The following DCC variants were observed in gnomAD, a reference collection of about 807,000 sequenced individuals.
The protein encoded by DCC is DCC netrin 1 receptor.
In DCC, 58 loss-of-function variants were observed where a neutral mutation model predicts 172.5. The ratio of observed to expected loss-of-function variants is 0.34; its 90% CI spans 0.27 to 0.42. The LOEUF (loss-of-function observed/expected upper bound fraction) is 0.42. Ranked by LOEUF, DCC falls within the 10% of genes least tolerant of loss-of-function variation. The pLI is 1.00. For synonymous variants in DCC, 709 were observed against 644.5 expected (o/e 1.10, Z -1.52); for missense variants, 1,740 against 1,791.0 (o/e 0.97, Z 0.51).
At chr18:52,497,675 A>T (rs992477670) in intron 1 of DCC, among the ~76,000 whole-genome samples, 18 of 152,100 alleles carry the variant, frequency 1.2e-4, no homozygotes, top group African/African-American at 1.7e-4. Context: ...CAAGATCATT[A>T]AGGCAGATAT....
intron 1 of DCC, among the ~76,000 whole-genome samples, chr18:52,431,889 A>G (rs931744146): frequency 2.0e-5 from 3 of 152,118 alleles, no homozygotes; most frequent in Non-Finnish European, 2.9e-5. Flanking sequence ...CCCTCCATCC[A>G]TCTCGCCTGA....
intron 13 of DCC, among the ~76,000 whole-genome samples, chr18:53,312,788 G>A (rs1393189226): frequency 1.8e-5 from 2 of 111,074 alleles, no homozygotes; most frequent in South Asian, 3.4e-4. Flanking sequence ...CAGCCTGGGC[G>A]ACAGAGCAAG....
At position 53,058,640 on chromosome 18, in the gene DCC, G is replaced by A. The variant is rs575958707; in HGVS notation, c.986-4665G>A. On this transcript the variant is annotated intron_variant, in intron 5 of 28. Transcript: ENST00000442544. Reference sequence around the variant, plus strand: ...ACAGAGATCAAAAAAGGGAAAATTGGGTAAACTTTATTTGTCTGCTGCCTT... The same window carrying A: ...ACAGAGATCAAAAAAGGGAAAATTGAGTAAACTTTATTTGTCTGCTGCCTT... 2.8e-4 allele frequency among the ~76,000 whole-genome samples: 42 copies of A among 152,126 alleles called. 1 individual carries two copies. In the South Asian group the frequency reaches 8.5e-3, roughly 31 times the overall value.
intron 1 of DCC, among the ~76,000 whole-genome samples, chr18:52,443,071 T>C (rs1442466716): frequency 6.6e-6 from 1 of 152,104 alleles, no homozygotes; most frequent in Non-Finnish European, 1.5e-5. Context: ...AATTAAAAAC[T>C]TTAAGTGAAT....
In DCC at chr18:53,085,957, C is replaced by CTCT. The variant is rs747047237; in HGVS notation, c.1261+19822_1261+19824dup. Reference sequence around the variant, plus strand: ...CATTTCAGCTTTGGTGGAGTATTTTCTCTTCTTCTTCTTCTTCTTCTTCTT... The same window carrying CTCT: ...CATTTCAGCTTTGGTGGAGTATTTTCTCTTCTTCTTCTTCTTCTTCTTCTTCTT... On this transcript the variant is annotated intron_variant, in intron 7 of 28. Transcript: ENST00000442544. Among the ~76,000 whole-genome samples, 519 of 65,910 alleles carry CTCT rather than the reference C, an allele frequency of 7.9e-3. 50 individuals are homozygous for CTCT. The highest frequency in any genetic ancestry group is 0.018 in the Admixed American group (162 of 8,998). The allele number at this position is 65,910 out of a possible 152,430, so 43.2% of individuals were successfully genotyped here. A position where few individuals can be genotyped will look rare whatever the true frequency, so the allele number is the denominator to read the frequency against.
rs1340063926 is a variant in DCC at position 52,561,453 on chromosome 18, C to CAT, written c.92-190600_92-190599insTA. Among the ~76,000 whole-genome samples the CAT allele has an allele frequency of 8.0e-4, 121 of 151,786 alleles. 1 individual carries two copies. Among genetic ancestry groups the CAT allele is most frequent in the Middle Eastern group, 3.4e-3 (1 of 292 alleles). On this transcript the variant is annotated intron_variant, in intron 1 of 28. Transcript: ENST00000442544. ...TGTGTGTATGTCTATGTGCTACACA[C>CAT]ACATATATATATATATACATATACA...
chr18:53,492,810 T>C (rs2045973961), intron 26 of DCC, among the ~76,000 whole-genome samples: 1 of 152,190 alleles, frequency 6.6e-6, no homozygotes, highest in South Asian at 2.1e-4. Flanking sequence ...TATGAGCTCT[T>C]TTCTCGTTCC....
chr18:52,352,394 G>A (rs1015850762), intron 1 of DCC, among the ~76,000 whole-genome samples: 2 of 152,134 alleles, frequency 1.3e-5, no homozygotes, highest in African/African-American at 4.8e-5. Context: ...TCACATCATG[G>A]TTTAGTGGAC....
At chr18:53,362,598 G>A (rs1481267171) in intron 15 of DCC, among the ~76,000 whole-genome samples, 2 of 152,156 alleles carry the variant, frequency 1.3e-5, no homozygotes, top group Non-Finnish European at 2.9e-5. Context: ...TATTTTTAAA[G>A]CAAGTATCTT....
rs145614692 is a variant in DCC, at chr18:52,520,247, G to C, written c.91+179369G>C. The stretch of plus-strand genomic sequence containing the variant: ...AGTGCTGAGAAGTGACTTCTGAATT[G>C]TCAAGACATTTCCTATGAATGGTCA... On this transcript the variant is annotated intron_variant, in intron 1 of 28. Transcript: ENST00000442544. Among the ~76,000 whole-genome samples the C allele has an allele frequency of 1.2e-4, 19 of 152,286 alleles. No homozygotes were observed. The East Asian group carries it at 3.3e-3, about 26-fold the overall frequency.
At chr18:53,254,201 G>A (rs1351945690) in intron 12 of DCC, among the ~76,000 whole-genome samples, 1 of 152,016 alleles carries the variant, frequency 6.6e-6, no homozygotes, top group African/African-American at 2.4e-5. Context: ...AGTCATCTGA[G>A]CAACAGGGCT....
chr18:52,715,566 A>G (rs2071794901), intron 1 of DCC, among the ~76,000 whole-genome samples: 1 of 152,056 alleles, frequency 6.6e-6, no homozygotes, highest in South Asian at 2.1e-4. Flanking sequence ...CAGCCTCCCA[A>G]TATGCTGGGA....
chr18:53,105,425 T>A (rs2043231010), intron 7 of DCC, among the ~76,000 whole-genome samples: 1 of 151,974 alleles, frequency 6.6e-6, no homozygotes, highest in Non-Finnish European at 1.5e-5. Context: ...AGCCCCAAAT[T>A]TACAAACATT....
chr18:53,330,763 A>T (rs2057522266), intron 14 of DCC, among the ~76,000 whole-genome samples: 1 of 152,136 alleles, frequency 6.6e-6, no homozygotes, highest in South Asian at 2.1e-4. Context: ...TATATTTCAC[A>T]CCTGCTTGTC....
intron 1 of DCC, among the ~76,000 whole-genome samples, chr18:52,632,180 A>G (rs2034689930): frequency 6.6e-6 from 1 of 152,236 alleles, no homozygotes. Context: ...ATTGGTAAGT[A>G]AATATTCATA....
chr18:52,718,510 C>A (rs146753543), intron 1 of DCC, among the ~76,000 whole-genome samples: 1,921 of 152,224 alleles, frequency 0.013, 50 homozygotes, highest in African/African-American at 0.044. Flanking sequence ...CACGTGGTAT[C>A]TGCAACAATA....
chr18:52,973,361 T>G (rs2041061882), intron 5 of DCC, among the ~76,000 whole-genome samples: 1 of 152,194 alleles, frequency 6.6e-6, no homozygotes, highest in Non-Finnish European at 1.5e-5. Flanking sequence ...TAAAAGTTTA[T>G]TAAGTTGTAC....
At chr18:53,008,408 C>G (rs559921030) in intron 5 of DCC, among the ~76,000 whole-genome samples, 35 of 152,084 alleles carry the variant, frequency 2.3e-4, no homozygotes, top group Admixed American at 1.3e-3. Flanking sequence ...TTCCATTACT[C>G]CAAGATATGT....
rs571691696 is a variant in DCC at position 52,695,462 on chromosome 18, G to A, written c.92-56592G>A. 1.4e-4 allele frequency among the ~76,000 whole-genome samples: 22 copies of A among 152,286 alleles called. No homozygotes were observed. In the South Asian group the frequency reaches 4.6e-3, roughly 32 times the overall value. ...TCATGTCTTTGAAAAACCCTGAATT[G>A]TGTCAACAGGATAGATTTACTTTTT... On this transcript the variant is annotated intron_variant, in intron 1 of 28. Transcript: ENST00000442544.
Sources: gnomAD v4.1 joint callset for allele counts (sites outside exome capture counted in the v4.1 genomes callset) on GRCh38, gnomAD v4.1.1 for gene constraint, MANE v1.5 for transcripts, NCBI Gene and HGNC (gene_info 2026-07-23, HGNC 2026-07-21) for gene names.